Variants in EPHB2 observed in about 807,000 individuals in gnomAD.
The protein encoded by EPHB2 is EPH receptor B2.
In EPHB2, 18 loss-of-function variants were observed where a neutral mutation model predicts 96.4. The observed-to-expected ratio is 0.19, with a 90% CI of 0.13 to 0.28. EPHB2 has a LOEUF of 0.28. Ranked by LOEUF, EPHB2 falls within the 10% of genes least tolerant of loss-of-function variation. EPHB2 has a pLI of 1.00. For synonymous variants in EPHB2, 506 were observed against 534.1 expected (o/e 0.95, Z 0.72); for missense variants, 989 against 1,355.4 (o/e 0.73, Z 4.25).
chr1:22,739,868 C>T (rs1322123826), intron 1 of EPHB2, among the ~76,000 whole-genome samples: 13 of 152,154 alleles, frequency 8.5e-5, no homozygotes, highest in Non-Finnish European at 1.9e-4. Flanking sequence ...CATAACCTGA[C>T]GCTGCGGAAA....
chr1:22,739,214 T>C (rs536724028), intron 1 of EPHB2, among the ~76,000 whole-genome samples: 75 of 151,904 alleles, frequency 4.9e-4, no homozygotes, highest in Non-Finnish European at 7.4e-4. Context: ...CTAATTCTTT[T>C]TGTTTTTTTT....
chr1:22,723,515 T>G (rs1392570638), intron 1 of EPHB2, among the ~76,000 whole-genome samples: 3 of 152,226 alleles, frequency 2.0e-5, no homozygotes, highest in East Asian at 3.9e-4. Context: ...AGCACAGCCA[T>G]GCCAGCAAAG....
chr1:22,832,835 A>T (rs1645325894), intron 3 of EPHB2, among the ~76,000 whole-genome samples: 1 of 152,178 alleles, frequency 6.6e-6, no homozygotes, highest in African/African-American at 2.4e-5. Context: ...ATATTTTGTT[A>T]ATGACTACAG....
rs570211130 is a variant in EPHB2, at chr1:22,844,906, C to G, written c.812-18131C>G. Among the ~76,000 whole-genome samples, 71 of 152,294 alleles carry G rather than the reference C, an allele frequency of 4.7e-4. 1 individual carries two copies. The South Asian group carries it at 0.013, about 28-fold the overall frequency. ...TCCATACCCTGCAAGGTACTCGGGC[C>G]CTGGAACCAGGCAGCAGGAGTAGAC... On this transcript the variant is annotated intron_variant, in intron 3 of 15. Coordinates refer to ENST00000374630, the MANE Select transcript of EPHB2 (RefSeq NM_017449.5).
intron 1 of EPHB2, among the ~76,000 whole-genome samples, chr1:22,764,906 G>A (rs565086352): frequency 6.6e-6 from 1 of 152,288 alleles, no homozygotes; most frequent in South Asian, 2.1e-4. Flanking sequence ...ACTGCTTGAT[G>A]GGGTTTCACC....
intron 3 of EPHB2, among the ~76,000 whole-genome samples, chr1:22,795,530 A>G (rs528113070): frequency 6.6e-6 from 1 of 152,214 alleles, no homozygotes; most frequent in Admixed American, 6.5e-5. Flanking sequence ...TGCCATTTGT[A>G]ATGATAATGT....
chr1:22,742,385 C>G (rs547669016), intron 1 of EPHB2, among the ~76,000 whole-genome samples: 1 of 152,180 alleles, frequency 6.6e-6, no homozygotes, highest in Non-Finnish European at 1.5e-5. Context: ...AGCTGAGAGC[C>G]GGAGCTCTGT....
intron 3 of EPHB2, among the ~76,000 whole-genome samples, chr1:22,810,964 C>T (rs991129314): frequency 1.1e-4 from 16 of 152,196 alleles, no homozygotes; most frequent in African/African-American, 3.1e-4. Context: ...TTAAAACACC[C>T]TGTTCCCTGC....
chr1:22,743,112 G>GAACTCCTGGGCTCAAACGGTCCTTC (rs1553160287), intron 1 of EPHB2, among the ~76,000 whole-genome samples: 1 of 151,710 alleles, frequency 6.6e-6, no homozygotes, highest in Non-Finnish European at 1.5e-5. Context: ...GGCTGGTCTT[G>GAACTCCTGGGCTCAAACGGTCCTTC]AACTCCTGGG....
At chr1:22,839,442 C>G (rs577390507) in intron 3 of EPHB2, among the ~76,000 whole-genome samples, 1 of 152,134 alleles carries the variant, frequency 6.6e-6, no homozygotes, top group Non-Finnish European at 1.5e-5. Context: ...GCCTGGTGAC[C>G]GTCAGCAAGA....
chr1:22,817,189 C>T (rs1027335935), intron 3 of EPHB2, among the ~76,000 whole-genome samples: 4 of 152,244 alleles, frequency 2.6e-5, no homozygotes, highest in African/African-American at 9.6e-5. Flanking sequence ...GATGAAAATG[C>T]TGTAGCTTTG....
rs1194908631 is a variant in EPHB2 at position 22,733,310 on chromosome 1, A to G, written c.61+22267A>G. Among the ~76,000 whole-genome samples the G allele has an allele frequency of 6.6e-6, 1 of 152,002 alleles. No individual in the cohort carries two copies. Among genetic ancestry groups the G allele is most frequent in the Non-Finnish European group, 1.5e-5 (1 of 68,006 alleles). On this transcript the variant is annotated intron_variant, in intron 1 of 15. Coordinates refer to ENST00000374630, the MANE Select transcript of EPHB2 (RefSeq NM_017449.5). The surrounding 1 kb of genome is among the most constrained non-coding windows in gnomAD (Gnocchi z 4.6). ...GTGATTTGCCCACCTCAGCCTTCCA[A>G]AGTGCTGGGATTGCAGGCGTGAACC...
At chr1:22,722,528 A>G (rs1643490760) in intron 1 of EPHB2, among the ~76,000 whole-genome samples, 1 of 152,190 alleles carries the variant, frequency 6.6e-6, no homozygotes, top group African/African-American at 2.4e-5. Context: ...GTGTTAAAAC[A>G]TGGCTCCTCA....
At chr1:22,809,694 C>A (rs1317537008) in intron 3 of EPHB2, among the ~76,000 whole-genome samples, 1 of 152,170 alleles carries the variant, frequency 6.6e-6, no homozygotes, top group Non-Finnish European at 1.5e-5. Flanking sequence ...CTCTAAGCTT[C>A]TGCTTCTTGC....
chr1:22,768,145 G>A lies in EPHB2; in HGVS notation c.62-13276G>A, dbSNP rs148596380. On this transcript the variant is annotated intron_variant, in intron 1 of 15. Coordinates refer to ENST00000374630, the MANE Select transcript of EPHB2 (RefSeq NM_017449.5). ...CAGGCATTCTGGAAACGTCTCCTCC[G>A]AGGCAGCAGCCTCTCTCAGAAAGAG... Among the ~76,000 whole-genome samples, 117 of 152,274 alleles carry A rather than the reference G, an allele frequency of 7.7e-4. No homozygotes were observed. In the Middle Eastern group the frequency reaches 0.024, roughly 31 times the overall value.
At chr1:22,781,632 C>G (rs1293010515) in intron 2 of EPHB2, 147 bp downstream of exon 2, 3 of 749,168 alleles carry the variant, frequency 4.0e-6, no homozygotes, top group Non-Finnish European at 6.9e-6. Flanking sequence ...CTCCCAATCC[C>G]CTACCATTGA....
In EPHB2 at chr1:22,784,374, C is replaced by A. The variant is rs147166976; in HGVS notation, c.127-18C>A. The A allele has an allele frequency of 1.9e-6, 3 of 1,613,352 alleles. No homozygotes were observed. In the South Asian group the frequency reaches 3.3e-5, roughly 18 times the overall value. On this transcript the variant is annotated intron_variant, in intron 2 of 15. Transcript: ENST00000374630. The surrounding 1 kb of genome is among the most constrained non-coding windows in gnomAD (Gnocchi z 5.1). ...GCTGAGCCCTTACCTCCCCACCTGA[C>A]GAGCATTTTACCCACAGTGGGAAGA...
chr1:22,833,288 T>A (rs1371718468), intron 3 of EPHB2, among the ~76,000 whole-genome samples: 1 of 152,138 alleles, frequency 6.6e-6, no homozygotes, highest in Non-Finnish European at 1.5e-5. Context: ...CTGGCTAATT[T>A]TTGTATTTTT....
rs1156372274 is a variant in EPHB2 at position 22,906,181 on chromosome 1, T to C, written c.1888+72T>C. 13 of 1,610,098 alleles carry C rather than the reference T, an allele frequency of 8.1e-6. No individual in the cohort carries two copies. Among genetic ancestry groups the C allele is most frequent in the Non-Finnish European group, 1.1e-5 (13 of 1,178,384 alleles). ...GGTGAGACCACCCCAATGTATACCC[T>C]TGGGGCAGAAGGTAGGATGTGGGAC... is the stretch of plus-strand genomic sequence containing the variant. On this transcript the variant is annotated intron_variant, in intron 10 of 15. Coordinates refer to ENST00000374630, the MANE Select transcript of EPHB2 (RefSeq NM_017449.5). This position sits in a 1 kb window ranked among gnomAD's most constrained non-coding sequence, Gnocchi z 4.8.
Sources: gnomAD v4.1 joint callset for allele counts (sites outside exome capture counted in the v4.1 genomes callset) on GRCh38, gnomAD v4.1.1 for gene constraint, Gnocchi (gnomAD v3.1) non-coding constraint, MANE v1.5 for transcripts, NCBI Gene and HGNC (gene_info 2026-07-23, HGNC 2026-07-21) for gene names.